ARHGAP10: variants seen among roughly 807,000 people sequenced by gnomAD.
ARHGAP10 encodes Rho GTPase activating protein 10.
In ARHGAP10, 87 loss-of-function variants were observed where a neutral mutation model predicts 108.6. That is an observed-to-expected ratio of 0.80 (90% CI 0.67 to 0.96). The LOEUF is 0.96. Among genes scored for constraint, ARHGAP10 ranks in the 40% least tolerant of loss-of-function variants. The pLI is 0.00. For missense variants in ARHGAP10, 939 were observed against 954.5 expected (o/e 0.98, Z 0.21); for synonymous variants, 347 against 341.1 (o/e 1.02, Z -0.19).
chr4:147,852,498 T>G (rs1046937041), intron 4 of ARHGAP10, among the ~76,000 whole-genome samples: 5 of 151,984 alleles, frequency 3.3e-5, no homozygotes, highest in African/African-American at 1.2e-4. Flanking sequence ...AAGTGTCAAG[T>G]AGGAACGAGT....
At chr4:147,938,963 A>T (rs990466047) in intron 13 of ARHGAP10, among the ~76,000 whole-genome samples, 1 of 152,232 alleles carries the variant, frequency 6.6e-6, no homozygotes, top group Non-Finnish European at 1.5e-5. Flanking sequence ...TTCAATAATT[A>T]TCAAGATTTT....
chr4:147,978,996 C>T (rs191857140), intron 18 of ARHGAP10, among the ~76,000 whole-genome samples: 5 of 152,176 alleles, frequency 3.3e-5, no homozygotes, highest in East Asian at 1.9e-4. Context: ...TATTTTCTCC[C>T]GTTTTGTAGA....
At chr4:148,000,332 G>A (rs1740659138) in intron 18 of ARHGAP10, among the ~76,000 whole-genome samples, 1 of 152,164 alleles carries the variant, frequency 6.6e-6, no homozygotes, top group Non-Finnish European at 1.5e-5. Context: ...ATCATTGATG[G>A]ACATTGGGGT....
chr4:147,815,179 A>G (rs537916275), intron 1 of ARHGAP10, among the ~76,000 whole-genome samples: 1 of 152,246 alleles, frequency 6.6e-6, no homozygotes, highest in South Asian at 2.1e-4. Context: ...GCCCTTGTCC[A>G]CCTTCAGTCT....
At position 147,852,153 on chromosome 4, in the gene ARHGAP10, T is replaced by G. The variant is rs559216703; in HGVS notation, c.384+4931T>G. 3.9e-5 allele frequency among the ~76,000 whole-genome samples: 6 copies of G among 152,250 alleles called. No individual in the cohort carries two copies. The South Asian group carries it at 1.2e-3, about 32-fold the overall frequency. On this transcript the variant is annotated intron_variant, in intron 4 of 22. Coordinates refer to ENST00000336498, the MANE Select transcript of ARHGAP10 (RefSeq NM_024605.4). ...TCCCCATCACCTTGCCAAACAGGAG[T>G]TGCTCAGCTTTTTGTCCATTCTCTG... is the stretch of plus-strand genomic sequence containing the variant.
At chr4:147,876,227 A>G (rs1352223807) in intron 8 of ARHGAP10, among the ~76,000 whole-genome samples, 4 of 152,184 alleles carry the variant, frequency 2.6e-5, no homozygotes, top group African/African-American at 9.7e-5. Flanking sequence ...ATATGGCAGA[A>G]GTCTCCATTT....
chr4:147,867,926 CTTTTTT>C (rs57058691), intron 7 of ARHGAP10, among the ~76,000 whole-genome samples: 1 of 135,582 alleles, frequency 7.4e-6, no homozygotes. Context: ...TTGTTTCTAA[CTTTTTT>C]TTTTTTTTAT....
intron 13 of ARHGAP10, among the ~76,000 whole-genome samples, chr4:147,915,829 G>A (rs1736958387): frequency 6.6e-6 from 1 of 152,074 alleles, no homozygotes; most frequent in African/African-American, 2.4e-5. Flanking sequence ...GACAGCTGGG[G>A]GCACTGGCTC....
chr4:147,753,972 C>T (rs543295552), intron 1 of ARHGAP10, among the ~76,000 whole-genome samples: 22 of 152,282 alleles, frequency 1.4e-4, no homozygotes, highest in African/African-American at 3.6e-4. Flanking sequence ...TGCTACTACT[C>T]GTTCTAAGAA....
chr4:147,804,186 G>T (rs563374775), intron 1 of ARHGAP10, among the ~76,000 whole-genome samples: 1 of 152,140 alleles, frequency 6.6e-6, no homozygotes, highest in East Asian at 1.9e-4. Flanking sequence ...CCCCAGGTCT[G>T]TTGTTCCCTT....
At chr4:148,050,365 C>CTTTT (rs11309245) in intron 20 of ARHGAP10, among the ~76,000 whole-genome samples, 9 of 59,302 alleles carry the variant, frequency 1.5e-4, no homozygotes, top group Non-Finnish European at 3.0e-4. Flanking sequence ...TCATCATCAT[C>CTTTT]TTTTTTTTTT....
intron 1 of ARHGAP10, among the ~76,000 whole-genome samples, chr4:147,809,873 G>A (rs116055439): frequency 0.015 from 2,340 of 152,222 alleles, 26 homozygotes; most frequent in Non-Finnish European, 0.021. Flanking sequence ...TGGGACCCAG[G>A]GCTTGGGGAC....
In ARHGAP10 at chr4:148,071,187, C is replaced by G. The variant is rs528901589; in HGVS notation, c.2273-806C>G. On this transcript the variant is annotated intron_variant, in intron 22 of 22. Coordinates refer to ENST00000336498, the MANE Select transcript of ARHGAP10 (RefSeq NM_024605.4). ...CAGAAGCCACTGCACTTGCAAAGGC[C>G]TGGAGTTGCAGTTGGGATTTCTCTG... 7.9e-5 allele frequency among the ~76,000 whole-genome samples: 12 copies of G among 152,356 alleles called. No homozygotes were observed. In the South Asian group the frequency reaches 1.9e-3, roughly 24 times the overall value.
intron 20 of ARHGAP10, among the ~76,000 whole-genome samples, chr4:148,057,769 T>G (rs1729425021): frequency 6.6e-6 from 1 of 152,202 alleles, no homozygotes; most frequent in Non-Finnish European, 1.5e-5. Context: ...GTGCCTGTAT[T>G]ATGGTTATTA....
intron 18 of ARHGAP10, among the ~76,000 whole-genome samples, chr4:147,985,392 G>T (rs1334938965): frequency 6.6e-6 from 1 of 152,180 alleles, no homozygotes; most frequent in Non-Finnish European, 1.5e-5. Context: ...CCTCAGGAGA[G>T]GAGGCTGGGC....
chr4:147,906,776 C>G, intron 11 of ARHGAP10, 57 bp downstream of exon 11: 1 of 1,583,558 alleles, frequency 6.3e-7, no homozygotes. Context: ...GACTTGCATT[C>G]ATTTTTATGT....
chr4:148,057,288 G>A (rs986787456), intron 20 of ARHGAP10, among the ~76,000 whole-genome samples: 22 of 152,166 alleles, frequency 1.4e-4, no homozygotes, highest in Admixed American at 6.5e-5. Flanking sequence ...ATCCTTCAAT[G>A]GCCCCTCTTT....
At position 147,878,252 on chromosome 4, in the gene ARHGAP10, C is replaced by A. The variant is rs187624969; in HGVS notation, c.833-980C>A. Among the ~76,000 whole-genome samples, 4 of 152,252 alleles carry A rather than the reference C, an allele frequency of 2.6e-5. No individual in the cohort carries two copies. In the East Asian group the frequency reaches 7.7e-4, roughly 29 times the overall value. ...CTGGGACTACAGGCGCGTGCCACCA[C>A]GCCTGGCTAAATTTTTTGTATTTTA... On this transcript the variant is annotated intron_variant, in intron 8 of 22. Coordinates refer to ENST00000336498, the MANE Select transcript of ARHGAP10 (RefSeq NM_024605.4).
intron 3 of ARHGAP10, 146 bp downstream of exon 3, chr4:147,823,103 C>A: frequency 1.1e-6 from 1 of 889,822 alleles, no homozygotes; most frequent in Non-Finnish European, 1.7e-6. Flanking sequence ...TTTCCGGAGC[C>A]CTGATTTCTA....
Sources: gnomAD v4.1 joint callset for allele counts (sites outside exome capture counted in the v4.1 genomes callset) on GRCh38, gnomAD v4.1.1 for gene constraint, MANE v1.5 for transcripts, NCBI Gene and HGNC (gene_info 2026-07-23, HGNC 2026-07-21) for gene names.